Variants in OTOF observed in about 807,000 individuals in gnomAD.
OTOF encodes the protein fer-1-like family member 2.
OTOF carries 218 observed loss-of-function variants against 236.8 expected under a neutral mutation model. The observed-to-expected ratio is 0.92, with a 90% CI of 0.82 to 1.03. The LOEUF (loss-of-function observed/expected upper bound fraction) is 1.03. Among genes scored for constraint, OTOF ranks in the 50% least tolerant of loss-of-function variants. OTOF has a pLI of 0.00. For synonymous variants in OTOF, 1,041 were observed against 1,072.5 expected, an observed-to-expected ratio of 0.97 and a Z score of 0.57; for missense variants, 2,590 against 2,694.4, an observed-to-expected ratio of 0.96 and a Z score of 0.86.
chr2:26,543,556 C>T (rs577370768), intron 1 of OTOF, among the ~76,000 whole-genome samples: 3 of 151,478 alleles, frequency 2.0e-5, no homozygotes, highest in African/African-American at 4.8e-5. Flanking sequence ...GTTTGCGTGC[C>T]CTGGATGAAG....
intron 8 of OTOF, among the ~76,000 whole-genome samples, chr2:26,496,237 C>CTTT (rs397939432): frequency 0.23 from 32,109 of 140,132 alleles, 4,408 homozygotes; most frequent in East Asian, 0.49. Flanking sequence ...TGATTAATGG[C>CTTT]TTTTTTTTTT....
intron 23 of OTOF, 36 bp downstream of exon 23, chr2:26,476,092 C>G: frequency 6.2e-7 from 1 of 1,611,750 alleles, no homozygotes; most frequent in Non-Finnish European, 8.5e-7. Flanking sequence ...CCGGCCCCCT[C>G]CCAGGTGAGG....
At chr2:26,503,212 C>T (rs1338403838) in intron 6 of OTOF, among the ~76,000 whole-genome samples, 2 of 152,218 alleles carry the variant, frequency 1.3e-5, no homozygotes, top group African/African-American at 4.8e-5. Context: ...CTCCATTTCT[C>T]CCCTTGTCTT....
rs780415388 is a variant in OTOF at position 26,460,831 on chromosome 2, C to G, written c.5712+21G>C. 6.2e-7 allele frequency: 1 copy of G among 1,613,944 alleles called. No individual in the cohort carries two copies. Among genetic ancestry groups the G allele is most frequent in the South Asian group, 1.1e-5 (1 of 91,078 alleles). On this transcript the variant is annotated intron_variant, in intron 44 of 46. Transcript: ENST00000272371. This position sits in a 1 kb window ranked among gnomAD's most constrained non-coding sequence, Gnocchi z 5.3. ...GCCAGTCCCAGCCCTGCCTACTGCCCGAGCAGGAAGGGGTGCGCACCGTGA... is the reference window on the plus strand; with the variant it reads ...GCCAGTCCCAGCCCTGCCTACTGCCGGAGCAGGAAGGGGTGCGCACCGTGA...
At position 26,466,765 on chromosome 2, in the gene OTOF, G is replaced by A. The variant is rs1437782436; in HGVS notation, c.4449C>T (p.Gly1483=). The A allele has an allele frequency of 1.2e-6, 2 of 1,614,108 alleles. No homozygotes were observed. Among genetic ancestry groups the A allele is most frequent in the Non-Finnish European group, 1.7e-6 (2 of 1,180,050 alleles). ...CATTGATGGGGTCATTGCTCGGGAT[G>A]CCCTGGAACATGCCGTAGGTGGAGT... The part of the protein sequence containing the change: ...GYDSTYGMFQ[G]IPSNDPINVL... The change falls in exon 36 of 47, where the codon GGC becomes GGT. Residue 1483 remains glycine, a synonymous_variant. Coordinates refer to ENST00000272371, the MANE Select transcript of OTOF (RefSeq NM_194248.3).
chr2:26,470,709 TCTC>T lies in OTOF; in HGVS notation c.3904_3906del (p.Glu1302del). On this transcript the variant is annotated inframe_deletion, in exon 32 of 47. Transcript: ENST00000272371. The surrounding 1 kb of genome is among the most constrained non-coding windows in gnomAD (Gnocchi z 4.3). ...CCCTTCTTCTTCTTCTTCTTCTCCT[TCTC>T]CTCCTCAGCCTGCAGGTTGGCCAGG... 1 of 1,613,268 alleles carries T rather than the reference TCTC, an allele frequency of 6.2e-7. No homozygotes were observed. The highest frequency in any genetic ancestry group is 8.5e-7 in the Non-Finnish European group (1 of 1,179,882).
intron 1 of OTOF, among the ~76,000 whole-genome samples, chr2:26,539,456 CT>C (rs376716194): frequency 3.6e-4 from 55 of 152,356 alleles, no homozygotes; most frequent in African/African-American, 1.3e-3. Context: ...GGTTACCCCC[CT>C]GGGCGCAGTG....
intron 8 of OTOF, 151 bp downstream of exon 8, chr2:26,501,603 G>T: frequency 1.5e-6 from 1 of 648,154 alleles, no homozygotes. Flanking sequence ...ATGCCTCCCA[G>T]GAACAAGCTT....
At position 26,480,277 on chromosome 2, in the gene OTOF, A is replaced by C; in HGVS notation, c.1838T>G (p.Phe613Cys). Residue 613 changes from phenylalanine (F) to cysteine (C), a missense_variant, in exon 16 of 47, where the codon TTT becomes TGT. By Grantham distance (205) the Phe-to-Cys change is radical. This residue lies in a region of OTOF where 1,379 missense variants were observed against 1,341.6 expected (regional missense o/e 1.03). Coordinates refer to ENST00000272371, the MANE Select transcript of OTOF (RefSeq NM_194248.3). ...CATTGAGGCCTCCAGGAAGGCTCCAAAGAGAAAGAATTCTTCCATTTTACC... is the reference window on the plus strand; with the variant it reads ...CATTGAGGCCTCCAGGAAGGCTCCACAGAGAAAGAATTCTTCCATTTTACC... Reference protein sequence around the residue: ...CAGKMEEFFLFGAFLEASMID... With the variant: ...CAGKMEEFFLCGAFLEASMID... 6.2e-7 allele frequency: 1 copy of C among 1,612,418 alleles called. No homozygotes were observed. Among genetic ancestry groups the C allele is most frequent in the Non-Finnish European group, 8.5e-7 (1 of 1,179,174 alleles).
intron 36 of OTOF, chr2:26,466,434 T>G (rs1275061411): frequency 3.9e-6 from 2 of 513,712 alleles, no homozygotes; most frequent in African/African-American, 3.8e-5. Flanking sequence ...CCTCCCAGGT[T>G]CAAGCGATTT....
rs1572425109 is a variant in OTOF at position 26,475,375 on chromosome 2, T to C, written c.3110A>G (p.Tyr1037Cys). The C allele has an allele frequency of 6.2e-7, 1 of 1,613,060 alleles. No individual in the cohort carries two copies. The highest frequency in any genetic ancestry group is 8.5e-7 in the Non-Finnish European group (1 of 1,179,954). ...DDPPIIVIEI[Y>C]DQDSMGKADF... ...CACCCATACCATGGAATCCTGGTCATAGATTTCAATGACAATGATGGGCGG... is the reference window on the plus strand; with the variant it reads ...CACCCATACCATGGAATCCTGGTCACAGATTTCAATGACAATGATGGGCGG... The change falls in exon 25 of 47, where the codon TAT (tyrosine) becomes TGT (cysteine). Residue 1037 changes from tyrosine to cysteine, a missense_variant. This residue lies in a region of OTOF where 1,211 missense variants were observed against 1,352.8 expected (regional missense o/e 0.90). Coordinates refer to ENST00000272371, the MANE Select transcript of OTOF (RefSeq NM_194248.3).
In OTOF at chr2:26,479,631, A is replaced by G. The variant is rs770863220; in HGVS notation, c.1935T>C (p.Asp645=). The change falls in exon 17 of 47, where the codon GAT becomes GAC. Residue 645 remains aspartate (D), a synonymous_variant. Transcript: ENST00000272371. ...VTIGNYGNEV[D]GLSRPQRPRP... ...GAGGCCGCTGGGGCCGGGACAGGCC[A>G]TCAACTTCGTTCCCATAGTTGCCTG... is the stretch of plus-strand genomic sequence containing the variant. 1.9e-6 allele frequency: 3 copies of G among 1,612,586 alleles called. No homozygotes were observed. The South Asian group carries it at 3.3e-5, about 18-fold the overall frequency.
chr2:26,514,854 G>T (rs985789704), intron 5 of OTOF, among the ~76,000 whole-genome samples: 1 of 152,196 alleles, frequency 6.6e-6, no homozygotes, highest in Non-Finnish European at 1.5e-5. Flanking sequence ...CTTTCTTAGA[G>T]CCCGGCTTCT....
At chr2:26,520,089 CTGTT>C (rs1233377868) in intron 3 of OTOF, among the ~76,000 whole-genome samples, 5 of 152,230 alleles carry the variant, frequency 3.3e-5, no homozygotes, top group Non-Finnish European at 7.3e-5. Flanking sequence ...AGTCAGAAGG[CTGTT>C]TGTTGCTCTG....
intron 5 of OTOF, among the ~76,000 whole-genome samples, chr2:26,509,622 C>A (rs1208434023): frequency 6.6e-6 from 1 of 152,152 alleles, no homozygotes; most frequent in East Asian, 1.9e-4. Context: ...CCTCAACACA[C>A]AATCCTGATA....
intron 13 of OTOF, 44 bp from the exon 14 acceptor site, chr2:26,482,636 T>G (rs753436475): frequency 6.4e-7 from 1 of 1,552,678 alleles, no homozygotes; most frequent in East Asian, 2.3e-5. Flanking sequence ...CATGTGTGTG[T>G]GAGTGGGTGC....
At chr2:26,464,772 G>C in intron 39 of OTOF, 97 bp downstream of exon 39, 1 of 1,265,052 alleles carries the variant, frequency 7.9e-7, no homozygotes, top group East Asian at 2.4e-5. Flanking sequence ...GGACACCCCA[G>C]GCTAGGCTGT....
At chr2:26,528,978 C>A (rs1466909235) in intron 2 of OTOF, among the ~76,000 whole-genome samples, 4 of 152,236 alleles carry the variant, frequency 2.6e-5, no homozygotes, top group Admixed American at 2.6e-4. Flanking sequence ...GCCCAGCCTG[C>A]CACTGTTGGC....
intron 1 of OTOF, among the ~76,000 whole-genome samples, chr2:26,550,997 T>A (rs889872940): frequency 6.6e-6 from 1 of 151,808 alleles, no homozygotes; most frequent in Non-Finnish European, 1.5e-5. Context: ...CATGGCTTTT[T>A]TCCCCCCCTT....
Sources: allele counts gnomAD v4.1 joint callset (sites outside exome capture counted in the v4.1 genomes callset), GRCh38; gene constraint gnomAD v4.1.1; regional missense constraint gnomAD v4.1.1; non-coding constraint Gnocchi (gnomAD v3.1); transcripts MANE v1.5; gene names NCBI Gene and HGNC (gene_info 2026-07-23, HGNC 2026-07-21).